The following MRS2 variants were observed in gnomAD, a reference collection of about 807,000 sequenced individuals.
MRS2 encodes the protein magnesium transporter MRS2.
A neutral mutation model predicts 52.6 loss-of-function variants in MRS2; 40 were observed. The observed-to-expected ratio is 0.76, with a 90% CI of 0.59 to 0.99. The LOEUF (loss-of-function observed/expected upper bound fraction) is 0.99, where lower values mean the gene tolerates loss of function less well. Ranked by LOEUF, MRS2 falls within the 50% of genes least tolerant of loss-of-function variation. The pLI is 0.00. For synonymous variants in MRS2, 193 were observed against 195.9 expected (o/e 0.98, Z 0.13); for missense variants, 472 against 532.7 (o/e 0.89, Z 1.12).
chr6:24,414,735 G>A (rs1230327275), intron 5 of MRS2, among the ~76,000 whole-genome samples: 1 of 152,196 alleles, frequency 6.6e-6, no homozygotes, highest in South Asian at 2.1e-4. Context: ...CCGGGCAGAG[G>A]TGCCCCTCAC....
At chr6:24,421,100 G>C in intron 9 of MRS2, among the ~76,000 whole-genome samples, 1 of 152,146 alleles carries the variant, frequency 6.6e-6, no homozygotes, top group East Asian at 1.9e-4. Flanking sequence ...TTCTCTACAA[G>C]TCCCTGTCTT....
At position 24,403,195 on chromosome 6, in the gene MRS2, GAGCGGCGC is replaced by G; in HGVS notation, c.153_160del (p.Ala52LeufsTer11). 4 of 1,604,064 alleles carry G rather than the reference GAGCGGCGC, an allele frequency of 2.5e-6. No homozygotes were observed. The highest frequency in any genetic ancestry group is 3.4e-6 in the Non-Finnish European group (4 of 1,179,564). ...CGAGCCAACCTGATTGGAAGGAGCC[GAGCGGCGC>G]AGCTTTGCGGGCCCGACCGGCTCCG... On this transcript the variant is annotated frameshift_variant, in exon 1 of 11. Coordinates refer to ENST00000378386, the MANE Select transcript of MRS2 (RefSeq NM_020662.4). LOFTEE classifies it high-confidence loss of function.
chr6:24,411,243 A>C (rs1403509946), intron 4 of MRS2, among the ~76,000 whole-genome samples: 2 of 152,100 alleles, frequency 1.3e-5, no homozygotes, highest in Non-Finnish European at 2.9e-5. Flanking sequence ...AAATGTAAAA[A>C]TAGAAAATTA....
Position 24,412,203 on chromosome 6 carries a change from G to GTTTTTT in MRS2, c.415-11_415-6dup. ...TACACTCACATATTTATATGTTTTG[G>GTTTTTT]TTTTTTTTTTTTTAACAGTATTTGA... On this transcript the variant is annotated intron_variant, in intron 4 of 10. Coordinates refer to ENST00000378386, the MANE Select transcript of MRS2 (RefSeq NM_020662.4). 1.6e-6 allele frequency: 2 copies of GTTTTTT among 1,220,578 alleles called. No individual in the cohort carries two copies. Among genetic ancestry groups the GTTTTTT allele is most frequent in the Non-Finnish European group, 2.2e-6 (2 of 897,728 alleles). The allele number at this position is 1,220,578 out of a possible 1,614,324, so 75.6% of individuals were successfully genotyped here.
In MRS2 at chr6:24,402,988, G is replaced by C; in HGVS notation, c.-59G>C. On this transcript the variant is annotated 5_prime_UTR_variant, in exon 1 of 11. Coordinates refer to ENST00000378386, the MANE Select transcript of MRS2 (RefSeq NM_020662.4). ...ACAGGTCAGAGCTGCGGCCTGAGCA[G>C]CCAGCGTCCGGCATGAAGGTCTGGG... 1 of 1,471,554 alleles carries C rather than the reference G, an allele frequency of 6.8e-7. No homozygotes were observed. Among genetic ancestry groups the C allele is most frequent in the Non-Finnish European group, 9.1e-7 (1 of 1,101,946 alleles). The allele number at this position is 1,471,554 out of a possible 1,614,324, so 91.2% of individuals were successfully genotyped here. A position where few individuals can be genotyped will look rare whatever the true frequency, so the allele number is the denominator to read the frequency against.
rs1761928243 is a variant in MRS2 at position 24,418,392 on chromosome 6, T to C, written c.990-69T>C. The C allele has an allele frequency of 2.5e-6, 4 of 1,598,896 alleles. No homozygotes were observed. In the South Asian group the frequency reaches 3.4e-5, roughly 14 times the overall value. On this transcript the variant is annotated intron_variant, in intron 8 of 10. Coordinates refer to ENST00000378386, the MANE Select transcript of MRS2 (RefSeq NM_020662.4). ...GTAGGTTTCATCCATGTGGTCTGTA[T>C]AGATTTGATGAATGTGCTGTATATA...
intron 9 of MRS2, among the ~76,000 whole-genome samples, chr6:24,421,536 C>A (rs6941710): frequency 6.6e-6 from 1 of 152,146 alleles, no homozygotes; most frequent in African/African-American, 2.4e-5. Context: ...TGGAAAAGTT[C>A]CAAGAATAGT....
chr6:24,413,115 G>T (rs926762048), intron 5 of MRS2, among the ~76,000 whole-genome samples: 4 of 152,108 alleles, frequency 2.6e-5, no homozygotes, highest in African/African-American at 9.7e-5. Flanking sequence ...AGTAGTGGGA[G>T]CCCAGTTACC....
chr6:24,412,168 T>C (rs1446360105), intron 4 of MRS2, 54 bp from the exon 5 acceptor site: 7 of 1,055,592 alleles, frequency 6.6e-6, no homozygotes, highest in Non-Finnish European at 9.4e-6. Flanking sequence ...TATACATGCA[T>C]GTGTGTATAT....
At chr6:24,413,223 A>T (rs1761726680) in intron 5 of MRS2, among the ~76,000 whole-genome samples, 2 of 152,040 alleles carry the variant, frequency 1.3e-5, no homozygotes, top group African/African-American at 4.8e-5. Context: ...TGCTGTTAGG[A>T]GAAAGACAGG....
intron 5 of MRS2, among the ~76,000 whole-genome samples, chr6:24,413,812 C>T (rs1220443749): frequency 6.6e-6 from 1 of 152,174 alleles, no homozygotes; most frequent in Non-Finnish European, 1.5e-5. Context: ...TCAGTTTTAC[C>T]GCTTGATTTA....
Position 24,408,453 on chromosome 6 carries a change from T to C in MRS2, c.301+9T>C. 6.4e-7 allele frequency: 1 copy of C among 1,573,664 alleles called. No individual in the cohort carries two copies. Among genetic ancestry groups the C allele is most frequent in the Non-Finnish European group, 8.7e-7 (1 of 1,144,940 alleles). ...AAACGTTACTTCTTTTGGTGAGTGA[T>C]TAGCATTCTAAATCATTTTTTAAAC... is the stretch of plus-strand genomic sequence containing the variant. On this transcript the variant is annotated intron_variant, in intron 3 of 10. Coordinates refer to ENST00000378386, the MANE Select transcript of MRS2 (RefSeq NM_020662.4).
chr6:24,412,501 A>AT (rs1463653170), intron 5 of MRS2, 106 bp downstream of exon 5: 1 of 800,820 alleles, frequency 1.2e-6, no homozygotes. Context: ...CCCTGACCAC[A>AT]TCCTGCCCCG....
At chr6:24,416,255 C>CTT (rs35657958) in intron 6 of MRS2, 142 bp from the exon 7 acceptor site, 2,193 of 392,508 alleles carry the variant, frequency 5.6e-3, no homozygotes, top group South Asian at 9.0e-3. Flanking sequence ...AAATACTCAA[C>CTT]TTTTTTTTTT....
intron 5 of MRS2, 39 bp from the exon 6 acceptor site, chr6:24,414,994 A>G: frequency 4.6e-6 from 7 of 1,523,890 alleles, no homozygotes; most frequent in Non-Finnish European, 6.2e-6. Context: ...TTCTAAAAAG[A>G]TTGTTTTAAT....
At position 24,418,492 on chromosome 6, in the gene MRS2, C is replaced by T. The variant is rs1561813484; in HGVS notation, c.1021C>T (p.Gln341Ter). The T allele has an allele frequency of 6.2e-7, 1 of 1,614,096 alleles. No homozygotes were observed. Among genetic ancestry groups the T allele is most frequent in the Non-Finnish European group, 8.5e-7 (1 of 1,180,018 alleles). ...AAACGTGATGATGAGGTTGAATCTA[C>T]AGCTGACCATGGGAACCTTCTCTCT... Reference protein sequence around the residue: ...HRNVMMRLNLQLTMGTFSLSL... With the variant: ...HRNVMMRLNL The change falls in exon 9 of 11, where the codon CAG becomes TAG. Residue 341 changes from glutamine to a stop codon, truncating the protein, a stop_gained. Transcript: ENST00000378386. LOFTEE classifies it high-confidence loss of function.
intron 2 of MRS2, among the ~76,000 whole-genome samples, chr6:24,405,862 T>C (rs1761455389): frequency 6.6e-6 from 1 of 150,752 alleles, no homozygotes; most frequent in African/African-American, 2.4e-5. Flanking sequence ...TTCCAACACT[T>C]TGGGAGGCCG....
chr6:24,411,667 T>C (rs1260158949), intron 4 of MRS2, among the ~76,000 whole-genome samples: 1 of 152,172 alleles, frequency 6.6e-6, no homozygotes, highest in East Asian at 1.9e-4. Context: ...GCCTCTGAAG[T>C]AGCTGGGACT....
chr6:24,415,770 A>G (rs942098229), intron 6 of MRS2, among the ~76,000 whole-genome samples: 2 of 152,018 alleles, frequency 1.3e-5, no homozygotes, highest in Admixed American at 6.5e-5. Context: ...TATGTTTCTG[A>G]GATAAGTAAT....
Sources: allele counts gnomAD v4.1 joint callset (sites outside exome capture counted in the v4.1 genomes callset), GRCh38; gene constraint gnomAD v4.1.1; transcripts MANE v1.5; gene names NCBI Gene and HGNC (gene_info 2026-07-23, HGNC 2026-07-21).